Variants in IL32 observed in about 807,000 individuals in gnomAD.
The protein encoded by IL32 is interleukin 32.
Under a neutral mutation model 16.6 loss-of-function variants are expected in IL32, and 30 were observed. That is an observed-to-expected ratio of 1.81 (90% CI 1.35 to 2.45). IL32 has a LOEUF of 2.45. Ranked by LOEUF, IL32 falls within the 30% of genes most tolerant of loss-of-function variation. The pLI is 0.00. For missense variants in IL32, 234 were observed against 229.8 expected (o/e 1.02, Z -0.12); for synonymous variants, 70 against 86.1 (o/e 0.81, Z 1.03).
In IL32 at chr16:3,069,442, C is replaced by T; in HGVS notation, c.*87C>T. 9 of 1,435,072 alleles carry T rather than the reference C, an allele frequency of 6.3e-6. No homozygotes were observed. Among genetic ancestry groups the T allele is most frequent in the Non-Finnish European group, 7.5e-6 (8 of 1,063,258 alleles). 88.9% of individuals were successfully genotyped at this position (1,435,072 alleles called of 1,614,324 possible). On this transcript the variant is annotated 3_prime_UTR_variant, in exon 7 of 7. Transcript: ENST00000525643. ...CTGTCCTGTGCCCCGCCCTCTCCCG[C>T]ACACTCAGTCCCCCTGCCTGGCGTT...
rs976984785 is a variant in IL32, at chr16:3,069,485, C to T, written c.*130C>T. 106 of 1,136,192 alleles carry T rather than the reference C, an allele frequency of 9.3e-5. No homozygotes were observed. The highest frequency in any genetic ancestry group is 6.0e-4 in the Middle Eastern group (2 of 3,352). The allele number at this position is 1,136,192 out of a possible 1,614,324, so 70.4% of individuals were successfully genotyped here. On this transcript the variant is annotated 3_prime_UTR_variant, in exon 7 of 7. Coordinates refer to ENST00000525643, the MANE Select transcript of IL32 (RefSeq NM_001376923.1). ...CTGGCGTTCCTGCCGCAGCTCTGACCTGGTGCTGTCGCCCTGGCATCTTAA... is the reference window on the plus strand; with the variant it reads ...CTGGCGTTCCTGCCGCAGCTCTGACTTGGTGCTGTCGCCCTGGCATCTTAA...
At chr16:3,066,449 C>G (rs1303079381) in intron 2 of IL32, among the ~76,000 whole-genome samples, 1 of 152,216 alleles carries the variant, frequency 6.6e-6, no homozygotes, top group Non-Finnish European at 1.5e-5. Flanking sequence ...AGTGTGCAGA[C>G]AGCTGCCCTG....
At chr16:3,068,572 A>T in intron 6 of IL32, 3 of 405,806 alleles carry the variant, frequency 7.4e-6, no homozygotes, top group Non-Finnish European at 1.4e-5. Context: ...TGGCCTCCCA[A>T]AGTGCTGAGA....
chr16:3,067,363 C>G lies in IL32; in HGVS notation c.16-14C>G. 6.7e-7 allele frequency: 1 copy of G among 1,486,962 alleles called. No individual in the cohort carries two copies. The highest frequency in any genetic ancestry group is 9.1e-7 in the Non-Finnish European group (1 of 1,103,768). The allele number at this position is 1,486,962 out of a possible 1,614,324, so 92.1% of individuals were successfully genotyped here. Reference sequence around the variant, plus strand: ...GTGACACATGGAGACTGAGTGTCACCGTTATTTCCGCAGGTCCTCTCTGAT... The same window carrying G: ...GTGACACATGGAGACTGAGTGTCACGGTTATTTCCGCAGGTCCTCTCTGAT... On this transcript the variant is annotated splice_polypyrimidine_tract_variant and intron_variant, in intron 2 of 6. Transcript: ENST00000525643.
intron 6 of IL32, 89 bp downstream of exon 6, chr16:3,068,328 CAG>C (rs1956664716): frequency 2.4e-6 from 3 of 1,247,380 alleles, no homozygotes; most frequent in South Asian, 2.6e-5. Context: ...TTATTTGAGA[CAG>C]AGTCTCGCTC....
At position 3,067,578 on chromosome 16, in the gene IL32, G is replaced by C. The variant is rs753539663; in HGVS notation, c.79G>C (p.Asp27His). 1.2e-6 allele frequency: 2 copies of C among 1,613,964 alleles called. No homozygotes were observed. Among genetic ancestry groups the C allele is most frequent in the South Asian group, 1.1e-5 (1 of 91,080 alleles). Residue 27 changes from aspartate to histidine, a missense_variant, in exon 4 of 7, where the codon GAT becomes CAT. Around this residue, in one of 3 missense-constraint regions of IL32, gnomAD observed 137 missense variants for 80.7 expected, o/e 1.70. Transcript: ENST00000525643. ...GCACCAGGCCATAGAAAGATTTTAT[G>C]ATAAAATGCAAAATGCAGAATCAGG... ...RMHQAIERFY[D>H]KMQNAESGRG...
chr16:3,067,788 GC>G, intron 4 of IL32, 175 bp downstream of exon 4: 1 of 806,370 alleles, frequency 1.2e-6, no homozygotes, highest in Non-Finnish European at 2.0e-6. Context: ...GGATCTGGAC[GC>G]CCGGGGAGAC....
intron 5 of IL32, 72 bp from the exon 6 acceptor site, chr16:3,068,108 G>T (rs375720180): frequency 6.2e-7 from 1 of 1,603,706 alleles, no homozygotes. Context: ...GAATCACCTG[G>T]ACCAGTGGGG....
chr16:3,067,297 GTGTGTGTGTGTGTA>G (rs1475314515), intron 2 of IL32, 66 bp from the exon 3 acceptor site: 4 of 705,380 alleles, frequency 5.7e-6, no homozygotes, highest in Non-Finnish European at 7.4e-6. Context: ...GTGTGTGTGT[GTGTGTGTGTGTGTA>G]TAAATTATCC....
Position 3,067,559 on chromosome 16 carries a change from G to A in IL32, c.60G>A (p.Gln20=). ...AACTCTGCCTCTCTTCACAGCACCA[G>A]GCCATAGAAAGATTTTATGATAAAA... ...DMKKLKARMH[Q]AIERFYDKMQ... The change falls in exon 4 of 7, where the codon CAG becomes CAA. Residue 20 remains glutamine, a synonymous_variant. Transcript: ENST00000525643. 6.2e-7 allele frequency: 1 copy of A among 1,614,036 alleles called. No homozygotes were observed. The highest frequency in any genetic ancestry group is 8.5e-7 in the Non-Finnish European group (1 of 1,179,996).
rs766011549 is a variant in IL32, at chr16:3,069,320, C to T, written c.532C>T (p.Pro178Ser). Residue 178 changes from proline to serine, a missense_variant, in exon 7 of 7, where the codon CCC (proline) becomes TCC (serine). Physicochemically the swap from Pro to Ser is moderately conservative, Grantham distance 74. Around this residue, in one of 3 missense-constraint regions of IL32, gnomAD observed 53 missense variants for 46.1 expected, o/e 1.15. Transcript: ENST00000525643. ...ACGGGGGGACAAGGAGGAGCTGACACCCCAGAAGTGCTCTGAACCCCAATC... is the reference window on the plus strand; with the variant it reads ...ACGGGGGGACAAGGAGGAGCTGACATCCCAGAAGTGCTCTGAACCCCAATC... ...APRGDKEELT[P>S]QKCSEPQSSK is the part of the protein sequence containing the mutation. The T allele has an allele frequency of 3.1e-6, 5 of 1,609,234 alleles. No homozygotes were observed. Among genetic ancestry groups the T allele is most frequent in the African/African-American group, 1.3e-5 (1 of 74,552 alleles).
At chr16:3,068,848 C>T (rs12922880) in intron 6 of IL32, 142 bp from the exon 7 acceptor site, 765,541 of 1,350,608 alleles carry the variant, frequency 0.57, 221,459 homozygotes, top group Non-Finnish European at 0.59. Context: ...GTCCCTCTTG[C>T]CCACGGGGCT....
intron 2 of IL32, among the ~76,000 whole-genome samples, chr16:3,066,370 G>A (rs573489114): frequency 2.6e-4 from 40 of 152,340 alleles, no homozygotes; most frequent in South Asian, 1.4e-3. Context: ...CCCGCATGTC[G>A]GCACGGTGCT....
rs531970849 is a variant in IL32, at chr16:3,065,905, C to T, written c.15+79C>T. 55 of 1,548,848 alleles carry T rather than the reference C, an allele frequency of 3.6e-5. No individual in the cohort carries two copies. In the African/African-American group the frequency reaches 3.8e-4, roughly 11 times the overall value. ...GGGTGCGGGTGCCCTCAGTATTTCCCGAGGTGCCTGTGTGTCAGGGCTCAG... is the reference window on the plus strand; with the variant it reads ...GGGTGCGGGTGCCCTCAGTATTTCCTGAGGTGCCTGTGTGTCAGGGCTCAG... On this transcript the variant is annotated intron_variant, in intron 2 of 6. Coordinates refer to ENST00000525643, the MANE Select transcript of IL32 (RefSeq NM_001376923.1).
At chr16:3,066,388 C>T (rs1191134901) in intron 2 of IL32, among the ~76,000 whole-genome samples, 1 of 152,240 alleles carries the variant, frequency 6.6e-6, no homozygotes, top group Non-Finnish European at 1.5e-5. Context: ...GCTGCTTTCA[C>T]CCTGGTTCCT....
At chr16:3,066,789 C>G (rs1359652222) in intron 2 of IL32, among the ~76,000 whole-genome samples, 1 of 152,006 alleles carries the variant, frequency 6.6e-6, no homozygotes, top group African/African-American at 2.4e-5. Flanking sequence ...TTTTCCTTGG[C>G]CAACTCTCAC....
intron 4 of IL32, 156 bp downstream of exon 4, chr16:3,067,769 G>C (rs1285709812): frequency 1.2e-6 from 1 of 818,360 alleles, no homozygotes; most frequent in Non-Finnish European, 2.0e-6. Flanking sequence ...CAGTGAGTGG[G>C]CGGGTGGGGG....
intron 4 of IL32, 151 bp downstream of exon 4, chr16:3,067,764 A>G: frequency 1.2e-6 from 1 of 827,374 alleles, no homozygotes; most frequent in Middle Eastern, 3.2e-4. Context: ...GGTGGCAGTG[A>G]GTGGGCGGGT....
intron 2 of IL32, among the ~76,000 whole-genome samples, chr16:3,066,836 C>T (rs1956362340): frequency 6.6e-6 from 1 of 152,074 alleles, no homozygotes; most frequent in Non-Finnish European, 1.5e-5. Context: ...CCAGCTGAGC[C>T]AGCCTGCTCC....
Sources: gnomAD v4.1 joint callset for allele counts (sites outside exome capture counted in the v4.1 genomes callset) on GRCh38, gnomAD v4.1.1 for gene constraint, gnomAD v4.1.1 regional missense constraint, MANE v1.5 for transcripts, NCBI Gene and HGNC (gene_info 2026-07-23, HGNC 2026-07-21) for gene names.